RHOBTB1: variants seen among roughly 807,000 people sequenced by gnomAD.
RHOBTB1 encodes the protein Rho related BTB domain containing 1.
In RHOBTB1, 40 loss-of-function variants were observed where a neutral mutation model predicts 71.6. That is an observed-to-expected ratio of 0.56 (90% CI 0.43 to 0.73). RHOBTB1 has a LOEUF of 0.73. Ranked by LOEUF, RHOBTB1 falls within the 30% of genes least tolerant of loss-of-function variation. RHOBTB1 has a pLI of 0.00. For missense variants in RHOBTB1, 797 were observed against 894.0 expected, an observed-to-expected ratio of 0.89 and a Z score of 1.38; for synonymous variants, 319 against 334.9, an observed-to-expected ratio of 0.95 and a Z score of 0.52.
In RHOBTB1 at chr10:60,962,361, G is replaced by A. The variant is rs144247249; in HGVS notation, c.-61-20507C>T. Among the ~76,000 whole-genome samples, 787 of 152,208 alleles carry A rather than the reference G, an allele frequency of 5.2e-3. 1 individual carries two copies. Among genetic ancestry groups the A allele is most frequent in the Non-Finnish European group, 7.1e-3 (481 of 68,002 alleles). On this transcript the variant is annotated intron_variant, in intron 2 of 11. Transcript: ENST00000357917. ...ATATATCAAAATATGCCCAATGACT[G>A]ATAAATACAAGTGCGCAGACATGAC... is the stretch of plus-strand genomic sequence containing the variant.
At chr10:60,903,416 C>T (rs1186072178) in intron 4 of RHOBTB1, among the ~76,000 whole-genome samples, 5 of 152,104 alleles carry the variant, frequency 3.3e-5, no homozygotes, top group Non-Finnish European at 7.4e-5. Flanking sequence ...TCACTCAACT[C>T]GGCACCCAAT....
At chr10:61,000,416 C>A (rs563639207) in intron 1 of RHOBTB1, among the ~76,000 whole-genome samples, 1 of 151,948 alleles carries the variant, frequency 6.6e-6, no homozygotes, top group Non-Finnish European at 1.5e-5. Flanking sequence ...ACCTTCTCAC[C>A]AAGAGCAAGA....
chr10:60,945,891 A>T (rs2085206803), upstream of RHOBTB1, among the ~76,000 whole-genome samples: 1 of 152,160 alleles, frequency 6.6e-6, no homozygotes, highest in Non-Finnish European at 1.5e-5. Flanking sequence ...CATAAAACTG[A>T]CTTCCCGGCC....
intron 4 of RHOBTB1, among the ~76,000 whole-genome samples, chr10:60,899,743 T>C (rs1415521898): frequency 6.6e-6 from 1 of 152,206 alleles, no homozygotes; most frequent in Non-Finnish European, 1.5e-5. Flanking sequence ...AGACACAAAC[T>C]GCTGTCCTTG....
intron 2 of RHOBTB1, among the ~76,000 whole-genome samples, chr10:60,916,880 G>C (rs888911086): frequency 6.6e-6 from 1 of 152,208 alleles, no homozygotes; most frequent in Non-Finnish European, 1.5e-5. Flanking sequence ...CTTTAAATGC[G>C]GAAGAGGTAG....
At chr10:60,879,333 T>G (rs1043232181) in intron 7 of RHOBTB1, among the ~76,000 whole-genome samples, 1 of 152,074 alleles carries the variant, frequency 6.6e-6, no homozygotes, top group African/African-American at 2.4e-5. Flanking sequence ...ATTATGAGCT[T>G]CTTTTTCTTT....
chr10:60,862,307 C>T, the RHOBTB1 span, among the ~76,000 whole-genome samples: 71 of 152,054 alleles, frequency 4.7e-4, no homozygotes, highest in Admixed American at 1.1e-3. Context: ...AAGTGATTCT[C>T]CCACCTCAGC....
intron 4 of RHOBTB1, among the ~76,000 whole-genome samples, chr10:60,906,376 G>A (rs754450840): frequency 2.6e-5 from 4 of 152,220 alleles, no homozygotes; most frequent in Admixed American, 2.0e-4. Flanking sequence ...ATCAGAGCTC[G>A]TAATAGATGG....
chr10:60,984,547 A>G (rs754784805), intron 2 of RHOBTB1, among the ~76,000 whole-genome samples: 5 of 152,216 alleles, frequency 3.3e-5, no homozygotes, highest in Non-Finnish European at 5.9e-5. Context: ...CTGAAAACCC[A>G]TAAGACAGAA....
chr10:60,893,005 A>G lies in RHOBTB1; in HGVS notation c.297-10T>C. On this transcript the variant is annotated splice_polypyrimidine_tract_variant and intron_variant, in intron 4 of 10. Transcript: ENST00000337910. ...GACCACAACATCAGACCTAAAAGGA[A>G]ATCATAAAAGAAGCTTGTATTGCCT... 1 of 1,604,484 alleles carries G rather than the reference A, an allele frequency of 6.2e-7. No homozygotes were observed. Among genetic ancestry groups the G allele is most frequent in the Non-Finnish European group, 8.5e-7 (1 of 1,175,952 alleles).
chr10:60,874,340 C>T (rs1202960248), intron 9 of RHOBTB1, among the ~76,000 whole-genome samples: 3 of 152,230 alleles, frequency 2.0e-5, no homozygotes, highest in African/African-American at 7.2e-5. Context: ...ACTTCATTCT[C>T]AGAATAATCT....
intron 2 of RHOBTB1, among the ~76,000 whole-genome samples, chr10:60,953,618 T>A (rs1453896328): frequency 3.3e-5 from 5 of 152,228 alleles, no homozygotes. Flanking sequence ...GTTGTTTTTA[T>A]AAGCATTATC....
chr10:60,945,629 T>C (rs2085193200), upstream of RHOBTB1, among the ~76,000 whole-genome samples: 1 of 152,224 alleles, frequency 6.6e-6, no homozygotes, highest in African/African-American at 2.4e-5. Flanking sequence ...GCTTGTATTC[T>C]CTTGAAGTCA....
intron 1 of RHOBTB1, among the ~76,000 whole-genome samples, chr10:60,989,628 CACCTTGT>C (rs2086788534): frequency 6.6e-6 from 1 of 152,226 alleles, no homozygotes; most frequent in Non-Finnish European, 1.5e-5. Context: ...TCTGCCTTAG[CACCTTGT>C]TTCCTGTGCT....
intron 2 of RHOBTB1, among the ~76,000 whole-genome samples, chr10:60,922,887 G>T (rs770878356): frequency 6.6e-6 from 1 of 152,200 alleles, no homozygotes; most frequent in Non-Finnish European, 1.5e-5. Context: ...AATCCAAGAA[G>T]GAGTCAGGTG....
At chr10:60,952,016 A>G (rs2085427595) in intron 2 of RHOBTB1, among the ~76,000 whole-genome samples, 1 of 151,898 alleles carries the variant, frequency 6.6e-6, no homozygotes, top group South Asian at 2.1e-4. Context: ...TGAGATCATG[A>G]CACTGCACTC....
intron 4 of RHOBTB1, among the ~76,000 whole-genome samples, chr10:60,900,784 C>T (rs1252064431): frequency 6.6e-6 from 1 of 152,040 alleles, no homozygotes; most frequent in Non-Finnish European, 1.5e-5. Flanking sequence ...ATAATGTGAG[C>T]CATTACAGTT....
intron 2 of RHOBTB1, among the ~76,000 whole-genome samples, chr10:60,952,021 G>A (rs914671794): frequency 1.3e-5 from 2 of 151,920 alleles, no homozygotes; most frequent in African/African-American, 2.4e-5. Flanking sequence ...TCATGACACT[G>A]CACTCCAGCC....
In RHOBTB1 at chr10:60,874,979, A is replaced by T. The variant is rs948129622; in HGVS notation, c.1790T>A (p.Val597Glu). ...ATSGVGIDGEVLSYLELAQFH... is the reference protein window; with the variant it reads ...ATSGVGIDGEELSYLELAQFH... ...CTGAGCCAATTCCAAGTAAGAGAGCACTTCTCCGTCAATGCCCACGCCACT... is the reference window on the plus strand; with the variant it reads ...CTGAGCCAATTCCAAGTAAGAGAGCTCTTCTCCGTCAATGCCCACGCCACT... The change falls in exon 9 of 11, where the codon GTG (valine) becomes GAG (glutamate). Residue 597 changes from valine (V) to glutamate (E), a missense_variant. Transcript: ENST00000337910. The T allele has an allele frequency of 2.5e-6, 4 of 1,613,894 alleles. No homozygotes were observed. The highest frequency in any genetic ancestry group is 3.4e-6 in the Non-Finnish European group (4 of 1,179,874).
Sources: allele counts gnomAD v4.1 joint callset (sites outside exome capture counted in the v4.1 genomes callset), GRCh38; gene constraint gnomAD v4.1.1; transcripts MANE v1.5; gene names NCBI Gene and HGNC (gene_info 2026-07-23, HGNC 2026-07-21).